Variants in LEPROTL1 observed in about 807,000 individuals in gnomAD.
LEPROTL1 encodes leptin receptor overlapping transcript like 1, also known as leptin receptor overlapping transcript-like 1.
LEPROTL1 carries 6 observed loss-of-function variants against 15.4 expected under a neutral mutation model. The observed-to-expected ratio is 0.39, with a 90% CI of 0.21 to 0.77. The LOEUF (loss-of-function observed/expected upper bound fraction) is 0.77. LEPROTL1 is among the 30% of genes least tolerant of loss of function. The pLI is 0.41. For synonymous variants in LEPROTL1, 56 were observed against 52.6 expected, an observed-to-expected ratio of 1.06 and a Z score of -0.28; for missense variants, 128 against 158.1, an observed-to-expected ratio of 0.81 and a Z score of 1.02.
chr8:30,117,879 G>A (rs142889264), intron 3 of LEPROTL1: 131 of 591,940 alleles, frequency 2.2e-4, no homozygotes, highest in African/African-American at 2.2e-3. Context: ...TAAATCAACT[G>A]TGACTGTATT....
intron 4 of LEPROTL1, among the ~76,000 whole-genome samples, chr8:30,136,725 C>T (rs866016340): frequency 6.8e-6 from 1 of 147,886 alleles, no homozygotes; most frequent in East Asian, 2.0e-4. Flanking sequence ...GTCTCTCCCC[C>T]CGAACTTTTT....
intron 1 of LEPROTL1, 135 bp from the exon 2 acceptor site, chr8:30,101,763 C>T (rs377735825): frequency 2.6e-5 from 13 of 494,368 alleles, no homozygotes; most frequent in African/African-American, 8.2e-5. Flanking sequence ...ATAACTTACA[C>T]TTCTGATGGC....
intron 3 of LEPROTL1, among the ~76,000 whole-genome samples, chr8:30,128,209 G>C (rs1374084316): frequency 2.6e-5 from 4 of 152,072 alleles, no homozygotes; most frequent in African/African-American, 9.7e-5. Flanking sequence ...ACTTTCTACT[G>C]TCCAGAGAAA....
At chr8:30,133,916 T>C (rs1268410459) in intron 4 of LEPROTL1, among the ~76,000 whole-genome samples, 2 of 152,102 alleles carry the variant, frequency 1.3e-5, no homozygotes, top group Admixed American at 6.6e-5. Context: ...AATGCTTGTA[T>C]GTCTGATAAC....
At chr8:30,104,527 C>A in intron 3 of LEPROTL1, 41 bp downstream of exon 3, 1 of 1,349,258 alleles carries the variant, frequency 7.4e-7, no homozygotes, top group Non-Finnish European at 9.9e-7. Context: ...TTATATTGAA[C>A]ATGTGTTACA....
chr8:30,106,400 T>C lies in LEPROTL1; in HGVS notation c.*538T>C. 1.0e-6 allele frequency: 1 copy of C among 985,810 alleles called. No homozygotes were observed. Among genetic ancestry groups the C allele is most frequent in the Non-Finnish European group, 1.2e-6 (1 of 829,928 alleles). 61.1% of individuals were successfully genotyped at this position (985,810 alleles called of 1,614,324 possible). Reference sequence around the variant, plus strand: ...TTATAGACTGTATACTCAGTGCAAATATAGCTGCATTTATACCTCAGAGGG... The same window carrying C: ...TTATAGACTGTATACTCAGTGCAAACATAGCTGCATTTATACCTCAGAGGG... On this transcript the variant is annotated 3_prime_UTR_variant, in exon 4 of 4. Transcript: ENST00000321250.
At chr8:30,110,601 G>T (rs925501568), downstream of LEPROTL1, among the ~76,000 whole-genome samples, 1 of 152,008 alleles carries the variant, frequency 6.6e-6, no homozygotes, top group Non-Finnish European at 1.5e-5. Context: ...CGGGTGTGGT[G>T]GTGGCGCCTG....
chr8:30,122,556 C>T (rs1286265610), intron 3 of LEPROTL1, among the ~76,000 whole-genome samples: 1 of 152,146 alleles, frequency 6.6e-6, no homozygotes, highest in Non-Finnish European at 1.5e-5. Context: ...TTTGGGAGGC[C>T]AAGGCAGGTG....
At position 30,107,531 on chromosome 8, in the gene LEPROTL1, T is replaced by C; in HGVS notation, c.*1669T>C. 1 of 985,880 alleles carries C rather than the reference T, an allele frequency of 1.0e-6. No individual in the cohort carries two copies. The highest frequency in any genetic ancestry group is 1.2e-6 in the Non-Finnish European group (1 of 829,930). The allele number at this position is 985,880 out of a possible 1,614,324, so 61.1% of individuals were successfully genotyped here. A position where few individuals can be genotyped will look rare whatever the true frequency, so the allele number is the denominator to read the frequency against. On this transcript the variant is annotated 3_prime_UTR_variant, in exon 4 of 4. Coordinates refer to ENST00000321250, the MANE Select transcript of LEPROTL1 (RefSeq NM_015344.3). ...GTTCAGCTTTTTTACTAAAGATGCCTAAAGCCACAGGTTTTATTGCCTAAC... is the reference window on the plus strand; with the variant it reads ...GTTCAGCTTTTTTACTAAAGATGCCCAAAGCCACAGGTTTTATTGCCTAAC...
At chr8:30,119,879 G>A (rs1802801221) in intron 3 of LEPROTL1, among the ~76,000 whole-genome samples, 1 of 152,086 alleles carries the variant, frequency 6.6e-6, no homozygotes, top group Non-Finnish European at 1.5e-5. Flanking sequence ...GACCAGCCTG[G>A]CCAACATGGC....
intron 1 of LEPROTL1, among the ~76,000 whole-genome samples, chr8:30,097,726 CAT>C (rs545966157): frequency 2.7e-5 from 4 of 146,102 alleles, no homozygotes; most frequent in African/African-American, 5.1e-5. Flanking sequence ...CACACACACA[CAT>C]ATTTAGTATT....
chr8:30,116,131 C>G (rs1006526635), intron 3 of LEPROTL1, among the ~76,000 whole-genome samples: 1 of 152,064 alleles, frequency 6.6e-6, no homozygotes, highest in African/African-American at 2.4e-5. Flanking sequence ...GTCCCAGCTA[C>G]CTAGGAAGCT....
In LEPROTL1 at chr8:30,095,493, C is replaced by T. The variant is rs1356591652; in HGVS notation, c.-20C>T. The stretch of plus-strand genomic sequence containing the variant: ...GCCGCCGCCGCCTCGGGTCGTGGAG[C>T]CAGGAGCGACGTCACCGCCATGGCA... On this transcript the variant is annotated 5_prime_UTR_variant, in exon 1 of 4. Coordinates refer to ENST00000321250, the MANE Select transcript of LEPROTL1 (RefSeq NM_015344.3). 37 of 1,462,392 alleles carry T rather than the reference C, an allele frequency of 2.5e-5. No individual in the cohort carries two copies. Among genetic ancestry groups the T allele is most frequent in the Non-Finnish European group, 3.1e-5 (34 of 1,111,348 alleles). 90.6% of individuals were successfully genotyped at this position (1,462,392 alleles called of 1,614,324 possible). A position where few individuals can be genotyped will look rare whatever the true frequency, so the allele number is the denominator to read the frequency against.
At chr8:30,100,459 A>G (rs1030247587) in intron 1 of LEPROTL1, among the ~76,000 whole-genome samples, 4 of 151,960 alleles carry the variant, frequency 2.6e-5, no homozygotes, top group African/African-American at 9.7e-5. Context: ...TTATTTATTT[A>G]TTTTTTTTGA....
chr8:30,097,516 C>CA (rs1802386045), intron 1 of LEPROTL1, among the ~76,000 whole-genome samples: 1 of 151,170 alleles, frequency 6.6e-6, no homozygotes, highest in Non-Finnish European at 1.5e-5. Context: ...ACTAAAAATA[C>CA]AAAAAAATTA....
rs1350984010 is a variant in LEPROTL1 at position 30,107,337 on chromosome 8, A to G, written c.*1475A>G. Reference sequence around the variant, plus strand: ...CTTTTTTCAGGAGTGGGTTATAAAAACATTCAAGTTGGTCTGACAGTATTT... The same window carrying G: ...CTTTTTTCAGGAGTGGGTTATAAAAGCATTCAAGTTGGTCTGACAGTATTT... On this transcript the variant is annotated 3_prime_UTR_variant, in exon 4 of 4. Transcript: ENST00000321250. 7 of 985,772 alleles carry G rather than the reference A, an allele frequency of 7.1e-6. No homozygotes were observed. Among genetic ancestry groups the G allele is most frequent in the Non-Finnish European group, 8.4e-6 (7 of 829,868 alleles). The allele number at this position is 985,772 out of a possible 1,614,324, so 61.1% of individuals were successfully genotyped here. A position where few individuals can be genotyped will look rare whatever the true frequency, so the allele number is the denominator to read the frequency against.
chr8:30,104,301 A>C lies in LEPROTL1; in HGVS notation c.94A>C (p.Lys32Gln). Residue 32 changes from lysine (K) to glutamine (Q), a missense_variant and splice_region_variant, in exon 3 of 4, where the codon AAA (lysine) becomes CAA (glutamine). By Grantham distance (53) the Lys-to-Gln change is moderately conservative (BLOSUM62 1). Coordinates refer to ENST00000321250, the MANE Select transcript of LEPROTL1 (RefSeq NM_015344.3). ...MLGCALPIYNKYWPLFVLFFY... is the reference protein window; with the variant it reads ...MLGCALPIYNQYWPLFVLFFY... The stretch of plus-strand genomic sequence containing the variant: ...ATTAACTTATTTTTCTTTTTCTAGC[A>C]AATACTGGCCCCTCTTTGTTCTATT... 1 of 1,484,086 alleles carries C rather than the reference A, an allele frequency of 6.7e-7. No homozygotes were observed. The highest frequency in any genetic ancestry group is 1.4e-5 in the African/African-American group (1 of 70,110). 91.9% of individuals were successfully genotyped at this position (1,484,086 alleles called of 1,614,324 possible).
chr8:30,136,503 GC>G (rs1276204609), intron 4 of LEPROTL1, among the ~76,000 whole-genome samples: 1 of 152,158 alleles, frequency 6.6e-6, no homozygotes, highest in Non-Finnish European at 1.5e-5. Flanking sequence ...CAGCAGCCCT[GC>G]CCGACTAGCA....
intron 3 of LEPROTL1, among the ~76,000 whole-genome samples, chr8:30,126,594 T>A (rs1802910633): frequency 6.6e-6 from 1 of 152,222 alleles, no homozygotes; most frequent in Non-Finnish European, 1.5e-5. Flanking sequence ...TTGTCTCCTA[T>A]GGAAAAGTTT....
Sources: allele counts gnomAD v4.1 joint callset (sites outside exome capture counted in the v4.1 genomes callset), GRCh38; gene constraint gnomAD v4.1.1; transcripts MANE v1.5; gene names NCBI Gene and HGNC (gene_info 2026-07-23, HGNC 2026-07-21).